Variants in SIRT4 observed in about 807,000 individuals in gnomAD.
The protein encoded by SIRT4 is sirtuin 4.
Under a neutral mutation model 26.1 loss-of-function variants are expected in SIRT4, and 23 were observed. The ratio of observed to expected loss-of-function variants is 0.88; its 90% CI spans 0.63 to 1.25. The LOEUF is 1.25. SIRT4 is among the 50% of genes most tolerant of loss of function. SIRT4 has a pLI of 0.00. For synonymous variants in SIRT4, 155 were observed against 158.4 expected (o/e 0.98, Z 0.16); for missense variants, 361 against 405.4 (o/e 0.89, Z 0.94).
At chr12:120,296,805 A>C in the SIRT4 span, among the ~76,000 whole-genome samples, 1 of 151,768 alleles carries the variant, frequency 6.6e-6, no homozygotes, top group African/African-American at 2.4e-5. Context: ...CCACTGCAGC[A>C]GATTTCTTAT....
upstream of SIRT4, among the ~76,000 whole-genome samples, chr12:120,298,329 C>G (rs2136820756): frequency 6.6e-6 from 1 of 152,136 alleles, no homozygotes; most frequent in African/African-American, 2.4e-5. Context: ...AAAGAATCGG[C>G]CAGGCGCAGT....
At chr12:120,307,280 A>G (rs186976234) in intron 2 of SIRT4, among the ~76,000 whole-genome samples, 29 of 152,276 alleles carry the variant, frequency 1.9e-4, no homozygotes, top group Admixed American at 7.2e-4. Context: ...ACTTGAGCTC[A>G]GGAGTTTGAG....
intron 2 of SIRT4, among the ~76,000 whole-genome samples, chr12:120,309,986 G>A (rs1339912267): frequency 6.6e-6 from 1 of 151,922 alleles, no homozygotes; most frequent in Non-Finnish European, 1.5e-5. Context: ...CAAATTGCTG[G>A]GATTACAGGT....
In SIRT4 at chr12:120,311,048, T is replaced by TAAAAA. The variant is rs761606021; in HGVS notation, c.498-1386_498-1382dup. On this transcript the variant is annotated intron_variant, in intron 2 of 3. Coordinates refer to ENST00000202967, the MANE Select transcript of SIRT4 (RefSeq NM_012240.3). ...CCACGCCCAGCCTGACCCTGTCTCT[T>TAAAAA]AAAAAAAAAAAAAAAAAAAAAAAAA... 6.2e-4 allele frequency among the ~76,000 whole-genome samples: 43 copies of TAAAAA among 69,304 alleles called. 1 individual carries two copies. The highest frequency in any genetic ancestry group is 4.1e-3 in the South Asian group (5 of 1,220). 45.5% of individuals were successfully genotyped at this position (69,304 alleles called of 152,430 possible). A position where few individuals can be genotyped will look rare whatever the true frequency, so the allele number is the denominator to read the frequency against.
At chr12:120,304,817 ATATATATATATATATATATTTTT>A (rs1872676933) in intron 2 of SIRT4, among the ~76,000 whole-genome samples, 1 of 6,740 alleles carries the variant, frequency 1.5e-4, no homozygotes. Context: ...ATATATATAT[ATATATATATATATATATATTTTT>A]TTTTTTTTTT....
chr12:120,307,872 GCAAA>G (rs1230792557), intron 2 of SIRT4, among the ~76,000 whole-genome samples: 2 of 151,956 alleles, frequency 1.3e-5, no homozygotes, highest in Non-Finnish European at 1.5e-5. Context: ...AAACAACCAA[GCAAA>G]CAAACAAAGA....
At chr12:120,298,814 G>A (rs1872430939), upstream of SIRT4, among the ~76,000 whole-genome samples, 1 of 151,618 alleles carries the variant, frequency 6.6e-6, no homozygotes. Context: ...GGCTGAGGCA[G>A]GAGAATCACT....
chr12:120,293,741 G>A, the SIRT4 span, among the ~76,000 whole-genome samples: 4 of 151,912 alleles, frequency 2.6e-5, no homozygotes, highest in Non-Finnish European at 4.4e-5. Flanking sequence ...CATGCCCAAG[G>A]GTGGAAACTG....
At chr12:120,299,000 G>A (rs1178900814), upstream of SIRT4, among the ~76,000 whole-genome samples, 1 of 150,312 alleles carries the variant, frequency 6.7e-6, no homozygotes, top group Non-Finnish European at 1.5e-5. Context: ...GCTGAGGCGG[G>A]CGGATCACGA....
chr12:120,308,170 T>C (rs1268038543), intron 2 of SIRT4, among the ~76,000 whole-genome samples: 1 of 145,094 alleles, frequency 6.9e-6, no homozygotes, highest in Non-Finnish European at 1.5e-5. Flanking sequence ...GAAAGCTTTT[T>C]TTTTTTTTTT....
At chr12:120,292,437 C>CT in the SIRT4 span, among the ~76,000 whole-genome samples, 1 of 151,968 alleles carries the variant, frequency 6.6e-6, no homozygotes, top group African/African-American at 2.4e-5. Flanking sequence ...GGGGTCGCTA[C>CT]TAAAAATACA....
At chr12:120,294,784 C>G in the SIRT4 span, among the ~76,000 whole-genome samples, 1 of 151,390 alleles carries the variant, frequency 6.6e-6, no homozygotes, top group African/African-American at 2.4e-5. Context: ...TCCCAAAGTG[C>G]TGGGACTATA....
At chr12:120,305,929 G>A (rs1312161659) in intron 2 of SIRT4, among the ~76,000 whole-genome samples, 5 of 150,808 alleles carry the variant, frequency 3.3e-5, no homozygotes, top group African/African-American at 1.2e-4. Flanking sequence ...GGAGAATGGC[G>A]TGAACCTGGG....
rs546233791 is a variant in SIRT4, at chr12:120,312,491, G to C, written c.533G>C (p.Arg178Pro). ...LCLDCGEQTP[R>P]GVLQERFQVL... ...TTGGATTGTGGGGAACAGACTCCCC[G>C]GGGGGTGCTGCAAGAGCGTTTCCAA... The change falls in exon 3 of 4, where the codon CGG becomes CCG. Residue 178 changes from arginine (R) to proline (P), a missense_variant. Coordinates refer to ENST00000202967, the MANE Select transcript of SIRT4 (RefSeq NM_012240.3). The C allele has an allele frequency of 6.2e-7, 1 of 1,613,682 alleles. No homozygotes were observed. The highest frequency in any genetic ancestry group is 1.1e-5 in the South Asian group (1 of 91,048).
Position 120,303,710 on chromosome 12 carries a change from T to C in SIRT4, c.149T>C (p.Phe50Ser). 1.2e-6 allele frequency: 2 copies of C among 1,614,092 alleles called. No homozygotes were observed. The highest frequency in any genetic ancestry group is 1.7e-6 in the Non-Finnish European group (2 of 1,180,010). The change falls in exon 2 of 4, where the codon TTC becomes TCC. Residue 50 changes from phenylalanine (F) to serine (S), a missense_variant. By Grantham distance (155) the Phe-to-Ser change is radical. Coordinates refer to ENST00000202967, the MANE Select transcript of SIRT4 (RefSeq NM_012240.3). The stretch of plus-strand genomic sequence containing the variant: ...GAGAAGGTCAAAGAGTTACAGCGCT[T>C]CATCACCCTTTCCAAGAGACTCCTT... ...DPEKVKELQR[F>S]ITLSKRLLVM... is the part of the protein sequence containing the mutation.
At chr12:120,305,609 G>A (rs1271987781) in intron 2 of SIRT4, among the ~76,000 whole-genome samples, 1 of 152,012 alleles carries the variant, frequency 6.6e-6, no homozygotes, top group Non-Finnish European at 1.5e-5. Flanking sequence ...ATGGGTCCAG[G>A]ATCACTCTAG....
intron 2 of SIRT4, among the ~76,000 whole-genome samples, chr12:120,310,882 C>T (rs1872934521): frequency 6.6e-6 from 1 of 151,170 alleles, no homozygotes. Context: ...ACTACAGGCG[C>T]CCGCCACCAC....
chr12:120,297,352 A>G (rs773845167), upstream of SIRT4, among the ~76,000 whole-genome samples: 58 of 150,492 alleles, frequency 3.9e-4, no homozygotes, highest in East Asian at 5.8e-4. Context: ...GAGAGAGAGA[A>G]AAAGACTAAA....
chr12:120,301,559 G>T (rs571732816), upstream of SIRT4, among the ~76,000 whole-genome samples: 1 of 152,254 alleles, frequency 6.6e-6, no homozygotes, highest in East Asian at 1.9e-4. Context: ...CAGCATTTTG[G>T]GGGGCCGAGG....
Sources: gnomAD v4.1 joint callset for allele counts (sites outside exome capture counted in the v4.1 genomes callset) on GRCh38, gnomAD v4.1.1 for gene constraint, MANE v1.5 for transcripts, NCBI Gene and HGNC (gene_info 2026-07-23, HGNC 2026-07-21) for gene names.